Variants in NQO2 observed in about 807,000 individuals in gnomAD.
NQO2 encodes ribosyldihydronicotinamide dehydrogenase [quinone].
Under a neutral mutation model 22.0 loss-of-function variants are expected in NQO2, and 18 were observed. The ratio of observed to expected loss-of-function variants is 0.82; its 90% CI spans 0.56 to 1.21. The LOEUF (loss-of-function observed/expected upper bound fraction) is 1.21, where lower values mean the gene tolerates loss of function less well. Ranked by LOEUF, NQO2 falls within the 50% of genes most tolerant of loss-of-function variation. NQO2 has a pLI of 0.00. For synonymous variants in NQO2, 106 were observed against 110.8 expected, an observed-to-expected ratio of 0.96 and a Z score of 0.28; for missense variants, 267 against 286.9, an observed-to-expected ratio of 0.93 and a Z score of 0.50.
chr6:3,007,450 T>G (rs1156294969), intron 2 of NQO2, among the ~76,000 whole-genome samples: 2 of 152,238 alleles, frequency 1.3e-5, no homozygotes, highest in Admixed American at 1.3e-4. Flanking sequence ...GAATTCAACC[T>G]TTGTAGCCAG....
intron 6 of NQO2, among the ~76,000 whole-genome samples, chr6:3,018,150 G>A (rs28383641): frequency 0.058 from 8,837 of 152,164 alleles, 422 homozygotes; most frequent in African/African-American, 0.13. Flanking sequence ...TTTTGACCCC[G>A]ACCATTTGCT....
intron 1 of NQO2, among the ~76,000 whole-genome samples, chr6:3,003,195 T>A (rs970894032): frequency 1.3e-5 from 2 of 152,202 alleles, no homozygotes; most frequent in African/African-American, 2.4e-5. Context: ...GATAATCCCT[T>A]TCCAGACCCG....
chr6:3,015,127 C>T lies in NQO2; in HGVS notation c.304-403C>T, dbSNP rs113120057. 69 of 1,297,352 alleles carry T rather than the reference C, an allele frequency of 5.3e-5. 1 individual carries two copies. The highest frequency in any genetic ancestry group is 4.2e-4 in the African/African-American group (28 of 66,288). 80.4% of individuals were successfully genotyped at this position (1,297,352 alleles called of 1,614,324 possible). A position where few individuals can be genotyped will look rare whatever the true frequency, so the allele number is the denominator to read the frequency against. On this transcript the variant is annotated intron_variant, in intron 4 of 6. Transcript: ENST00000380455. Reference sequence around the variant, plus strand: ...AAATCCATAGATGCTCAGCACCGAACTCAGTCTGACTTCCAGATGCTAACA... The same window carrying T: ...AAATCCATAGATGCTCAGCACCGAATTCAGTCTGACTTCCAGATGCTAACA...
chr6:3,006,490 G>A lies in NQO2; in HGVS notation c.-63G>A, dbSNP rs757597390. 2.5e-6 allele frequency: 4 copies of A among 1,612,118 alleles called. No individual in the cohort carries two copies. In the African/African-American group the frequency reaches 5.3e-5, roughly 22 times the overall value. On this transcript the variant is annotated 5_prime_UTR_variant, in exon 2 of 7. Coordinates refer to ENST00000380455, the MANE Select transcript of NQO2 (RefSeq NM_000904.6). The surrounding 1 kb of genome is among the most constrained non-coding windows in gnomAD (Gnocchi z 4.0). The stretch of plus-strand genomic sequence containing the variant: ...CAGATTGCTGGACTCGCTGAAGAGA[G>A]ACTACGCAGGAAAGCCCCAGCCACC...
At chr6:3,002,753 T>C (rs1249618719) in intron 1 of NQO2, among the ~76,000 whole-genome samples, 1 of 152,110 alleles carries the variant, frequency 6.6e-6, no homozygotes, top group Non-Finnish European at 1.5e-5. Flanking sequence ...CACTCTTTTT[T>C]TTTTTGAACC....
chr6:3,016,964 A>G lies in NQO2; in HGVS notation c.498A>G (p.Arg166=). ...AGACAGGAGTCAATGGAGATTCTCGATACTTCCTGTGGCCACTCCAGGTAG... is the reference window on the plus strand; with the variant it reads ...AGACAGGAGTCAATGGAGATTCTCGGTACTTCCTGTGGCCACTCCAGGTAG... ...YTKTGVNGDS[R]YFLWPLQHGT... The change falls in exon 6 of 7, where the codon CGA becomes CGG. Residue 166 remains arginine, a synonymous_variant. Coordinates refer to ENST00000380455, the MANE Select transcript of NQO2 (RefSeq NM_000904.6). 6.2e-7 allele frequency: 1 copy of G among 1,613,960 alleles called. No homozygotes were observed. The highest frequency in any genetic ancestry group is 8.5e-7 in the Non-Finnish European group (1 of 1,180,004).
chr6:3,008,782 C>A (rs1476280958), intron 2 of NQO2, among the ~76,000 whole-genome samples: 1 of 152,134 alleles, frequency 6.6e-6, no homozygotes, highest in African/African-American at 2.4e-5. Context: ...GGGGAGACAT[C>A]ACATGTCGGC....
At chr6:3,018,835 T>TC (rs997950506) in intron 6 of NQO2, among the ~76,000 whole-genome samples, 7 of 134,070 alleles carry the variant, frequency 5.2e-5, no homozygotes, top group Non-Finnish European at 9.5e-5. Context: ...AAAAAAATCT[T>TC]TTTTTTTTTC....
In NQO2 at chr6:3,018,234, C is replaced by T. The variant is rs1012426249; in HGVS notation, c.520-1245C>T. 5.3e-5 allele frequency among the ~76,000 whole-genome samples: 8 copies of T among 152,280 alleles called. No individual in the cohort carries two copies. The East Asian group carries it at 9.6e-4, about 18-fold the overall frequency. Reference sequence around the variant, plus strand: ...AAGTCATGTTGTCTGAAGCTGGGTGCGGTGGCTCACGCCTGTAATTCCAGC... The same window carrying T: ...AAGTCATGTTGTCTGAAGCTGGGTGTGGTGGCTCACGCCTGTAATTCCAGC... On this transcript the variant is annotated intron_variant, in intron 6 of 6. Coordinates refer to ENST00000380455, the MANE Select transcript of NQO2 (RefSeq NM_000904.6).
At chr6:3,013,603 C>T (rs1361194081) in intron 4 of NQO2, among the ~76,000 whole-genome samples, 3 of 152,106 alleles carry the variant, frequency 2.0e-5, no homozygotes, top group African/African-American at 7.2e-5. Context: ...ACCCCCAGCC[C>T]AGCCACCTTC....
chr6:3,006,983 T>C lies in NQO2; in HGVS notation c.7+424T>C, dbSNP rs977569695. ...TCTTTGCTTTTGCAACTGCTTATCA[T>C]GCACATATACATGAACATGCAATCT... is the stretch of plus-strand genomic sequence containing the variant. On this transcript the variant is annotated intron_variant, in intron 2 of 6. Transcript: ENST00000380455. This position sits in a 1 kb window ranked among gnomAD's most constrained non-coding sequence, Gnocchi z 4.0. The C allele has an allele frequency of 1.5e-5, 6 of 403,664 alleles. No individual in the cohort carries two copies. The highest frequency in any genetic ancestry group is 1.2e-4 in the African/African-American group (6 of 48,688). The allele number at this position is 403,664 out of a possible 1,614,324, so 25.0% of individuals were successfully genotyped here. A position where few individuals can be genotyped will look rare whatever the true frequency, so the allele number is the denominator to read the frequency against.
intron 5 of NQO2, 57 bp from the exon 6 acceptor site, chr6:3,016,827 C>T (rs1002071421): frequency 6.3e-6 from 10 of 1,595,634 alleles, no homozygotes; most frequent in Non-Finnish European, 8.5e-6. Flanking sequence ...GGAGGCTCAG[C>T]AACATTTCTG....
chr6:3,014,284 C>T (rs777796428), intron 4 of NQO2, among the ~76,000 whole-genome samples: 2 of 152,222 alleles, frequency 1.3e-5, no homozygotes, highest in African/African-American at 2.4e-5. Flanking sequence ...TGACCTTGAG[C>T]TGCTAATCTG....
In NQO2 at chr6:3,017,001, G is replaced by C; in HGVS notation, c.519+16G>C. The C allele has an allele frequency of 6.2e-7, 1 of 1,612,388 alleles. No homozygotes were observed. Among genetic ancestry groups the C allele is most frequent in the Non-Finnish European group, 8.5e-7 (1 of 1,179,410 alleles). On this transcript the variant is annotated intron_variant, in intron 6 of 6. Coordinates refer to ENST00000380455, the MANE Select transcript of NQO2 (RefSeq NM_000904.6). ...GCCACTCCAGGTAGACCAGCTGCGA[G>C]TGGCTCCCTTGCTTGTTGGCACACG...
At chr6:3,007,878 G>A (rs1409024638) in intron 2 of NQO2, among the ~76,000 whole-genome samples, 1 of 152,240 alleles carries the variant, frequency 6.6e-6, no homozygotes, top group Non-Finnish European at 1.5e-5. Flanking sequence ...AAAGGTGCCT[G>A]TAGCTGATAT....
At chr6:3,012,316 T>G in intron 3 of NQO2, 1 of 852,272 alleles carries the variant, frequency 1.2e-6, no homozygotes, top group Non-Finnish European at 1.4e-6. Flanking sequence ...TGAAGAAAGG[T>G]GATGTGTGTA....
At chr6:3,009,496 G>A (rs936153442) in intron 2 of NQO2, among the ~76,000 whole-genome samples, 1 of 152,200 alleles carries the variant, frequency 6.6e-6, no homozygotes, top group Non-Finnish European at 1.5e-5. Context: ...AAGATGATGG[G>A]ATTAAGAGAT....
chr6:3,008,595 C>G lies in NQO2; in HGVS notation c.8-1430C>G, dbSNP rs147861132. 6.8e-3 allele frequency among the ~76,000 whole-genome samples: 1,034 copies of G among 152,218 alleles called. 12 individuals are homozygous for G. Among genetic ancestry groups the G allele is most frequent in the African/African-American group, 0.024 (979 of 41,528 alleles). On this transcript the variant is annotated intron_variant, in intron 2 of 6. Transcript: ENST00000380455. ...CAAAATCCCATCTGTACTAAAAATA[C>G]AAAAAATTAGCTGGGCGTAGTGGCA...
Position 3,006,474 on chromosome 6 carries a change from G to A in NQO2, c.-79G>A. The A allele has an allele frequency of 6.2e-7, 1 of 1,608,464 alleles. No homozygotes were observed. The highest frequency in any genetic ancestry group is 8.5e-7 in the Non-Finnish European group (1 of 1,177,776). On this transcript the variant is annotated 5_prime_UTR_variant, in exon 2 of 7. Transcript: ENST00000380455. This position sits in a 1 kb window ranked among gnomAD's most constrained non-coding sequence, Gnocchi z 4.0. ...GGTTCGTTTTGTCTTCCAGATTGCT[G>A]GACTCGCTGAAGAGAGACTACGCAG...
Sources: allele counts gnomAD v4.1 joint callset (sites outside exome capture counted in the v4.1 genomes callset), GRCh38; gene constraint gnomAD v4.1.1; non-coding constraint Gnocchi (gnomAD v3.1); transcripts MANE v1.5; gene names NCBI Gene and HGNC (gene_info 2026-07-23, HGNC 2026-07-21).